Variants in TECRL observed in about 807,000 individuals in gnomAD.
TECRL encodes the protein trans-2,3-enoyl-CoA reductase-like.
Under a neutral mutation model 52.8 loss-of-function variants are expected in TECRL, and 63 were observed. That is an observed-to-expected ratio of 1.19 (90% confidence interval 0.97 to 1.47). The LOEUF (loss-of-function observed/expected upper bound fraction) is 1.47. TECRL is among the 40% of genes most tolerant of loss of function. The probability of loss-of-function intolerance (pLI) is 0.00; values close to 1 mark genes in which losing one functional copy is unlikely to be tolerated. For missense variants in TECRL, 482 were observed against 429.6 expected (o/e 1.12, Z -1.08); for synonymous variants, 164 against 141.9 (o/e 1.16, Z -1.10).
chr4:64,378,642 T>C (rs1021149), intron 1 of TECRL, among the ~76,000 whole-genome samples: 136,171 of 152,132 alleles, frequency 0.9, 61,659 homozygotes, highest in East Asian at 1. Flanking sequence ...GATAAGTAGA[T>C]AATCTATAGA....
At chr4:64,290,968 T>C (rs1390166544) in intron 8 of TECRL, among the ~76,000 whole-genome samples, 1 of 152,066 alleles carries the variant, frequency 6.6e-6, no homozygotes, top group Non-Finnish European at 1.5e-5. Flanking sequence ...TCTTAAGTTA[T>C]CATTAGAAAG....
intron 6 of TECRL, among the ~76,000 whole-genome samples, chr4:64,305,535 T>A (rs189563166): frequency 1.3e-5 from 2 of 152,252 alleles, no homozygotes; most frequent in Non-Finnish European, 1.5e-5. Context: ...ACTGCCCCTG[T>A]TATGGAGTTA....
intron 7 of TECRL, 98 bp from the exon 8 acceptor site, chr4:64,300,115 T>A (rs1723928594): frequency 1.2e-6 from 1 of 846,820 alleles, no homozygotes; most frequent in Non-Finnish European, 1.8e-6. Flanking sequence ...GTATAAATTC[T>A]ATAATCAATA....
chr4:64,358,787 A>G (rs974767350), intron 2 of TECRL, among the ~76,000 whole-genome samples: 3 of 151,884 alleles, frequency 2.0e-5, no homozygotes, highest in African/African-American at 7.2e-5. Flanking sequence ...TTGGAATAAC[A>G]GAAATTATTG....
At chr4:64,367,115 T>C (rs1222639208) in intron 2 of TECRL, among the ~76,000 whole-genome samples, 5 of 152,130 alleles carry the variant, frequency 3.3e-5, no homozygotes, top group Non-Finnish European at 7.4e-5. Context: ...GCCATTATCA[T>C]GTGTAAATTA....
chr4:64,341,704 G>A (rs1482640833), intron 2 of TECRL, among the ~76,000 whole-genome samples: 1 of 152,180 alleles, frequency 6.6e-6, no homozygotes, highest in Non-Finnish European at 1.5e-5. Context: ...AGACCTGGGA[G>A]CTTCCAGAGC....
At chr4:64,288,223 A>G (rs576071491) in intron 9 of TECRL, among the ~76,000 whole-genome samples, 11 of 152,214 alleles carry the variant, frequency 7.2e-5, no homozygotes, top group African/African-American at 2.6e-4. Flanking sequence ...TCAACAAGAC[A>G]TTTGGCCCAA....
intron 8 of TECRL, among the ~76,000 whole-genome samples, chr4:64,296,450 A>G (rs908929409): frequency 2.6e-5 from 4 of 152,016 alleles, no homozygotes; most frequent in African/African-American, 7.2e-5. Flanking sequence ...AACTAATGAC[A>G]ACACTGAAGA....
intron 7 of TECRL, among the ~76,000 whole-genome samples, chr4:64,302,265 G>A (rs933292795): frequency 1.3e-5 from 2 of 151,400 alleles, no homozygotes; most frequent in Non-Finnish European, 3.0e-5. Context: ...TTAATATACA[G>A]ATGCTATTAA....
chr4:64,314,033 C>G (rs1480222965), intron 5 of TECRL, among the ~76,000 whole-genome samples: 5 of 149,546 alleles, frequency 3.3e-5, no homozygotes, highest in Non-Finnish European at 7.4e-5. Context: ...ACCTGTAGTC[C>G]CAGCTACTCG....
intron 2 of TECRL, among the ~76,000 whole-genome samples, chr4:64,333,941 G>A (rs1489201728): frequency 1.5e-5 from 2 of 131,466 alleles, no homozygotes; most frequent in South Asian, 2.3e-4. Context: ...GGAGAATGGC[G>A]TGAACCCGGG....
At chr4:64,286,996 A>C (rs945273676) in intron 9 of TECRL, among the ~76,000 whole-genome samples, 1 of 152,172 alleles carries the variant, frequency 6.6e-6, no homozygotes, top group African/African-American at 2.4e-5. Flanking sequence ...ACCCTCAGAT[A>C]TTTTTCACTT....
chr4:64,306,391 G>A (rs560468759), intron 6 of TECRL, among the ~76,000 whole-genome samples: 124 of 152,220 alleles, frequency 8.1e-4, no homozygotes, highest in Middle Eastern at 6.8e-3. Context: ...TTGGTGTTAC[G>A]CAAAGGCCTT....
chr4:64,402,337 A>G (rs1328790191), intron 1 of TECRL, among the ~76,000 whole-genome samples: 1 of 152,110 alleles, frequency 6.6e-6, no homozygotes, highest in African/African-American at 2.4e-5. Context: ...ACTATTAGAA[A>G]AAAATACTAA....
At chr4:64,314,795 TA>T (rs1328711386) in intron 4 of TECRL, 32 bp from the exon 5 acceptor site, 2 of 1,447,828 alleles carry the variant, frequency 1.4e-6, no homozygotes, top group East Asian at 4.5e-5. Context: ...GATTAAACGA[TA>T]AAAATAGATG....
At chr4:64,311,960 A>G (rs188277146) in intron 5 of TECRL, among the ~76,000 whole-genome samples, 75 of 152,270 alleles carry the variant, frequency 4.9e-4, no homozygotes, top group Admixed American at 1.3e-3. Context: ...GCGCTACACC[A>G]GGTTTCTGGT....
chr4:64,277,316 C>T (rs535128804), downstream of TECRL, among the ~76,000 whole-genome samples: 24 of 151,914 alleles, frequency 1.6e-4, no homozygotes, highest in African/African-American at 5.5e-4. Flanking sequence ...AAAACAGAAA[C>T]TATTCTTAGT....
intron 6 of TECRL, among the ~76,000 whole-genome samples, chr4:64,307,378 A>G (rs1724402064): frequency 6.6e-6 from 1 of 152,150 alleles, no homozygotes; most frequent in Non-Finnish European, 1.5e-5. Flanking sequence ...AAGTGTGACT[A>G]TTCCTACCTT....
chr4:64,379,317 C>A (rs879557165), intron 1 of TECRL, among the ~76,000 whole-genome samples: 17 of 151,072 alleles, frequency 1.1e-4, no homozygotes, highest in Non-Finnish European at 2.5e-4. Flanking sequence ...GAGGTGCCAA[C>A]CCACCATGTA....
Sources: gnomAD v4.1 joint callset for allele counts (sites outside exome capture counted in the v4.1 genomes callset) on GRCh38, gnomAD v4.1.1 for gene constraint, MANE v1.5 for transcripts, NCBI Gene and HGNC (gene_info 2026-07-23, HGNC 2026-07-21) for gene names.